SMPD3: variants seen among roughly 807,000 people sequenced by gnomAD.
SMPD3 encodes the protein sphingomyelin phosphodiesterase 3.
A neutral mutation model predicts 55.7 loss-of-function variants in SMPD3; 21 were observed. The observed-to-expected ratio is 0.38, with a 90% CI of 0.27 to 0.54. The LOEUF (loss-of-function observed/expected upper bound fraction) is 0.54. SMPD3 is among the 20% of genes least tolerant of loss of function. The pLI is 0.80. For synonymous variants in SMPD3, 457 were observed against 404.3 expected, an observed-to-expected ratio of 1.13 and a Z score of -1.56; for missense variants, 842 against 899.6, an observed-to-expected ratio of 0.94 and a Z score of 0.82.
chr16:68,370,781 C>A, intron 3 of SMPD3, 78 bp downstream of exon 3: 1 of 1,560,520 alleles, frequency 6.4e-7, no homozygotes, highest in Non-Finnish European at 8.7e-7. Flanking sequence ...GATGAGGACT[C>A]CCCGCTGCAG....
At chr16:68,382,933 C>T (rs528357423) in intron 2 of SMPD3, among the ~76,000 whole-genome samples, 3 of 152,230 alleles carry the variant, frequency 2.0e-5, no homozygotes, top group South Asian at 2.1e-4. Flanking sequence ...CCTCCACCCC[C>T]CACTGGGCTC....
At chr16:68,406,537 C>T (rs958663623) in intron 1 of SMPD3, among the ~76,000 whole-genome samples, 4 of 152,244 alleles carry the variant, frequency 2.6e-5, no homozygotes, top group Admixed American at 6.5e-5. Flanking sequence ...CTGTCGCCCT[C>T]GGTAGCGGCA....
At position 68,422,551 on chromosome 16, in the gene SMPD3, C is replaced by T. The variant is rs1597660841; in HGVS notation, c.-269+25802G>A. Among the ~76,000 whole-genome samples, 4 of 152,176 alleles carry T rather than the reference C, an allele frequency of 2.6e-5. No individual in the cohort carries two copies. In the South Asian group the frequency reaches 8.3e-4, roughly 31 times the overall value. On this transcript the variant is annotated intron_variant, in intron 1 of 8. Coordinates refer to ENST00000219334, the MANE Select transcript of SMPD3 (RefSeq NM_018667.4). ...ATAAAAAACAGTACAGGCCCAGCTG[C>T]TTGGAGGCCTCCAGTCAGGTGAGAA...
rs760479269 is a variant in SMPD3, at chr16:68,370,967, G to A, written c.1215C>T (p.Ser405=). The change falls in exon 3 of 9, where the codon AGC becomes AGT. Residue 405 remains serine (S), a synonymous_variant. Coordinates refer to ENST00000219334, the MANE Select transcript of SMPD3 (RefSeq NM_018667.4). ...GGTAGCGGCTGGCAAAGAGGAGGCC[G>A]CTGTTGAGACACTTGAAGCTGCAGC... is the stretch of plus-strand genomic sequence containing the variant. ...QGCCSFKCLN[S]GLLFASRYPI... 106 of 1,613,860 alleles carry A rather than the reference G, an allele frequency of 6.6e-5. No individual in the cohort carries two copies. The highest frequency in any genetic ancestry group is 8.6e-5 in the Non-Finnish European group (101 of 1,180,012).
intron 1 of SMPD3, among the ~76,000 whole-genome samples, chr16:68,442,408 T>C (rs528928456): frequency 2.0e-5 from 3 of 152,364 alleles, no homozygotes; most frequent in Non-Finnish European, 4.4e-5. Context: ...CGTTCAAGAT[T>C]TCTATAAGAA....
At position 68,370,917 on chromosome 16, in the gene SMPD3, C is replaced by T; in HGVS notation, c.1265G>A (p.Cys422Tyr). 1 of 1,614,174 alleles carries T rather than the reference C, an allele frequency of 6.2e-7. No individual in the cohort carries two copies. Residue 422 changes from cysteine to tyrosine, a missense_variant, in exon 3 of 9, where the codon TGT (cysteine) becomes TAT (tyrosine). Physicochemically the swap from Cys to Tyr is radical, Grantham distance 194. Coordinates refer to ENST00000219334, the MANE Select transcript of SMPD3 (RefSeq NM_018667.4). ...ATCGTCGTTACACTTGTTGGGGTAA[C>T]AGTGATAGGCCACGTCCATGATGGG... ...RYPIMDVAYH[C>Y]YPNKCNDDAL...
At chr16:68,361,572 T>G in intron 8 of SMPD3, 31 bp downstream of exon 8, 1 of 1,602,128 alleles carries the variant, frequency 6.2e-7, no homozygotes, top group African/African-American at 1.3e-5. Context: ...TCTCTTTGCA[T>G]GGCCCTGGCT....
intron 2 of SMPD3, among the ~76,000 whole-genome samples, chr16:68,374,813 G>A (rs916623838): frequency 2.0e-5 from 3 of 152,178 alleles, no homozygotes; most frequent in African/African-American, 7.2e-5. Context: ...GGGACACAGA[G>A]TCACCCACAG....
Position 68,363,757 on chromosome 16 carries a change from C to T in SMPD3, c.1645+20G>A, listed in dbSNP as rs944752948. On this transcript the variant is annotated intron_variant, in intron 6 of 8. Transcript: ENST00000219334. Reference sequence around the variant, plus strand: ...TGTGGGGAGCCCAGCTCCCATCCTCCTCCCCCAGCCCCAGCTCACCGATGG... The same window carrying T: ...TGTGGGGAGCCCAGCTCCCATCCTCTTCCCCCAGCCCCAGCTCACCGATGG... The T allele has an allele frequency of 2.6e-6, 4 of 1,553,036 alleles. No individual in the cohort carries two copies. In the African/African-American group the frequency reaches 4.1e-5, roughly 16 times the overall value.
intron 1 of SMPD3, among the ~76,000 whole-genome samples, chr16:68,406,152 C>A (rs1324670501): frequency 6.6e-6 from 1 of 152,066 alleles, no homozygotes; most frequent in Non-Finnish European, 1.5e-5. Flanking sequence ...TTATTCTATA[C>A]CCAGAAACAA....
chr16:68,403,315 G>A (rs1177401137), intron 1 of SMPD3, among the ~76,000 whole-genome samples: 1 of 152,154 alleles, frequency 6.6e-6, no homozygotes, highest in Non-Finnish European at 1.5e-5. Context: ...GATTCTGTCT[G>A]TTGTGTTCAC....
At chr16:68,436,037 A>G (rs930143274) in intron 1 of SMPD3, among the ~76,000 whole-genome samples, 1 of 152,194 alleles carries the variant, frequency 6.6e-6, no homozygotes, top group Non-Finnish European at 1.5e-5. Flanking sequence ...CCAAAAAACA[A>G]GTGCCGAGGA....
At position 68,361,651 on chromosome 16, in the gene SMPD3, G is replaced by A. The variant is rs773382881; in HGVS notation, c.1818C>T (p.Ile606=). ...KELLKGNGRR[I]DYMLHAEEGL... is the part of the protein sequence containing the mutation. ...CCTCCTCTGCATGCAGCATGTAGTC[G>A]ATGCGCCGGCCGTTGCCCTTCAGCA... The change falls in exon 8 of 9, where the codon ATC becomes ATT. Residue 606 remains isoleucine, a synonymous_variant. Coordinates refer to ENST00000219334, the MANE Select transcript of SMPD3 (RefSeq NM_018667.4). The A allele has an allele frequency of 1.9e-5, 30 of 1,611,662 alleles. No homozygotes were observed. The highest frequency in any genetic ancestry group is 1.2e-4 in the South Asian group (11 of 91,092).
At chr16:68,395,910 A>G (rs928951338) in intron 1 of SMPD3, among the ~76,000 whole-genome samples, 12 of 152,188 alleles carry the variant, frequency 7.9e-5, no homozygotes, top group Admixed American at 7.2e-4. Flanking sequence ...AGAGAGAAAA[A>G]CAGACTGAAA....
intron 1 of SMPD3, among the ~76,000 whole-genome samples, chr16:68,391,053 C>T (rs1286554142): frequency 6.6e-6 from 1 of 152,196 alleles, no homozygotes; most frequent in African/African-American, 2.4e-5. Context: ...GGAATTAAGA[C>T]AAAGCTGTAG....
At chr16:68,381,677 G>T (rs1421761624) in intron 2 of SMPD3, among the ~76,000 whole-genome samples, 1 of 152,132 alleles carries the variant, frequency 6.6e-6, no homozygotes, top group East Asian at 1.9e-4. Context: ...GGAGATGGTG[G>T]CTGCTCCGTC....
At chr16:68,409,258 CAG>C (rs1302427672) in intron 1 of SMPD3, among the ~76,000 whole-genome samples, 1 of 152,202 alleles carries the variant, frequency 6.6e-6, no homozygotes, top group African/African-American at 2.4e-5. Flanking sequence ...TTGGCCCCAG[CAG>C]AGAGTGCCTT....
chr16:68,441,722 AT>A lies in SMPD3; in HGVS notation c.-269+6630del, dbSNP rs541754418. ...TATAGACAGACATTCTACTTTTCCT[AT>A]TTTTTTCTATTATTTGTTTCTATTT... is the stretch of plus-strand genomic sequence containing the variant. On this transcript the variant is annotated intron_variant, in intron 1 of 8. Transcript: ENST00000219334. Among the ~76,000 whole-genome samples the A allele has an allele frequency of 4.2e-3, 644 of 151,936 alleles. 4 individuals carry two copies. The highest frequency in any genetic ancestry group is 0.015 in the African/African-American group (618 of 41,440).
At chr16:68,418,300 A>G (rs1278108829) in intron 1 of SMPD3, among the ~76,000 whole-genome samples, 1 of 152,058 alleles carries the variant, frequency 6.6e-6, no homozygotes, top group Admixed American at 6.5e-5. Context: ...TACCCACAAG[A>G]GAAATGAGCA....
Sources: allele counts gnomAD v4.1 joint callset (sites outside exome capture counted in the v4.1 genomes callset), GRCh38; gene constraint gnomAD v4.1.1; transcripts MANE v1.5; gene names NCBI Gene and HGNC (gene_info 2026-07-23, HGNC 2026-07-21).